The following CROT variants were observed in gnomAD, a reference collection of about 807,000 sequenced individuals.
The protein encoded by CROT is peroxisomal carnitine O-octanoyltransferase.
In CROT, 84 loss-of-function variants were observed where a neutral mutation model predicts 89.2. The observed-to-expected ratio is 0.94, with a 90% CI of 0.79 to 1.13. The LOEUF is 1.13. Among genes scored for constraint, CROT ranks in the 50% most tolerant of loss-of-function variants. CROT has a pLI of 0.00. For missense variants in CROT, 711 were observed against 727.8 expected (o/e 0.98, Z 0.27); for synonymous variants, 212 against 239.5 (o/e 0.89, Z 1.06).
At chr7:87,363,321 T>C (rs1163584381) in intron 6 of CROT, among the ~76,000 whole-genome samples, 1 of 152,182 alleles carries the variant, frequency 6.6e-6, no homozygotes, top group African/African-American at 2.4e-5. Context: ...TCAGAATTCA[T>C]GGCAAATAAT....
chr7:87,386,838 A>G (rs1428428163), intron 13 of CROT, among the ~76,000 whole-genome samples: 2 of 152,118 alleles, frequency 1.3e-5, no homozygotes, highest in Non-Finnish European at 2.9e-5. Context: ...TGCTAACCCC[A>G]TCTCTACCCA....
chr7:87,354,322 G>T, intron 3 of CROT: 1 of 512,054 alleles, frequency 2.0e-6, no homozygotes, highest in South Asian at 1.4e-5. Flanking sequence ...AAATTCTGCA[G>T]TGTGACTACT....
chr7:87,370,571 A>T (rs1806599376), intron 7 of CROT, among the ~76,000 whole-genome samples: 1 of 152,200 alleles, frequency 6.6e-6, no homozygotes. Flanking sequence ...TTTATAACTT[A>T]AATTAGTTTT....
intron 17 of CROT, among the ~76,000 whole-genome samples, chr7:87,393,489 A>G (rs1433960052): frequency 6.6e-6 from 1 of 152,214 alleles, no homozygotes; most frequent in Non-Finnish European, 1.5e-5. Flanking sequence ...CAGTTTTACC[A>G]ATTCAGATGC....
intron 6 of CROT, among the ~76,000 whole-genome samples, chr7:87,364,670 A>G (rs1277692848): frequency 1.3e-5 from 2 of 152,156 alleles, no homozygotes; most frequent in Non-Finnish European, 2.9e-5. Context: ...ACAGGAGAGG[A>G]GGAAAAATAA....
intron 13 of CROT, among the ~76,000 whole-genome samples, chr7:87,384,594 T>C (rs938686709): frequency 1.3e-5 from 2 of 152,132 alleles, no homozygotes; most frequent in Non-Finnish European, 2.9e-5. Context: ...TGCTATTGAG[T>C]TTTTTAAGTT....
At chr7:87,359,100 C>T in intron 3 of CROT, 106 bp from the exon 4 acceptor site, 1 of 783,826 alleles carries the variant, frequency 1.3e-6, no homozygotes, top group Non-Finnish European at 2.2e-6. Flanking sequence ...TAATACAGTA[C>T]TGTGTTTTAC....
chr7:87,398,328 CTAAT>C (rs1164751794), intron 17 of CROT, 192 bp from the exon 18 acceptor site: 3 of 707,070 alleles, frequency 4.2e-6, no homozygotes, highest in East Asian at 2.8e-5. Context: ...TGCTAGTCAT[CTAAT>C]GAATGAGGTG....
intron 3 of CROT, among the ~76,000 whole-genome samples, chr7:87,351,191 C>T (rs868689074): frequency 6.6e-6 from 1 of 151,428 alleles, no homozygotes; most frequent in African/African-American, 2.4e-5. Flanking sequence ...CCCTTGTAGT[C>T]CCAGCTACTC....
At chr7:87,382,622 T>C in intron 13 of CROT, 79 bp downstream of exon 13, 1 of 1,431,862 alleles carries the variant, frequency 7.0e-7, no homozygotes, top group Non-Finnish European at 9.4e-7. Context: ...TCATCCTAAC[T>C]CCTCAGTATT....
intron 13 of CROT, 121 bp downstream of exon 13, chr7:87,382,664 T>C (rs1304836362): frequency 1.1e-6 from 1 of 950,570 alleles, no homozygotes; most frequent in Admixed American, 2.6e-5. Context: ...TGGTACTGTG[T>C]CCTATTTGTA....
intron 2 of CROT, 41 bp from the exon 3 acceptor site, chr7:87,349,007 T>C (rs1805784580): frequency 8.4e-6 from 7 of 836,016 alleles, no homozygotes; most frequent in Non-Finnish European, 1.4e-5. Context: ...TAACACTATC[T>C]ATGAGATTGA....
intron 8 of CROT, 37 bp from the exon 9 acceptor site, chr7:87,375,791 A>G: frequency 6.2e-7 from 1 of 1,612,716 alleles, no homozygotes; most frequent in Non-Finnish European, 8.5e-7. Flanking sequence ...ATTGTATTTC[A>G]GTTGTAATAT....
At chr7:87,382,580 A>G (rs996006942) in intron 13 of CROT, 37 bp downstream of exon 13, 1 of 1,575,346 alleles carries the variant, frequency 6.3e-7, no homozygotes. Flanking sequence ...ACAGTCTTGA[A>G]GTCCAAGGGT....
intron 3 of CROT, among the ~76,000 whole-genome samples, chr7:87,354,173 G>A (rs1435154129): frequency 6.6e-6 from 1 of 152,136 alleles, no homozygotes. Context: ...AAATGCTTTA[G>A]AAGCAATACA....
intron 17 of CROT, among the ~76,000 whole-genome samples, chr7:87,394,595 A>G (rs1253018804): frequency 1.3e-5 from 2 of 151,762 alleles, no homozygotes; most frequent in Non-Finnish European, 2.9e-5. Flanking sequence ...TGCTGCAGCT[A>G]CACTGGCAGG....
chr7:87,376,084 CT>C lies in CROT; in HGVS notation c.876+133del. 6.5e-6 allele frequency: 5 copies of C among 774,224 alleles called. No homozygotes were observed. In the South Asian group the frequency reaches 1.2e-4, roughly 19 times the overall value. 48.0% of individuals were successfully genotyped at this position (774,224 alleles called of 1,614,324 possible). On this transcript the variant is annotated intron_variant, in intron 9 of 17. Coordinates refer to ENST00000331536, the MANE Select transcript of CROT (RefSeq NM_021151.4). The stretch of plus-strand genomic sequence containing the variant: ...AACTTTTTCTTAGTTATACAATATA[CT>C]TGTGCCAAATTGAAGCTTATAAAGT...
At chr7:87,383,129 C>A (rs1403801734) in intron 13 of CROT, among the ~76,000 whole-genome samples, 1 of 152,126 alleles carries the variant, frequency 6.6e-6, no homozygotes, top group Admixed American at 6.6e-5. Context: ...TCCAAGTCTT[C>A]TCTTCTTGGT....
chr7:87,356,736 G>A (rs1806084985), intron 3 of CROT, among the ~76,000 whole-genome samples: 1 of 152,146 alleles, frequency 6.6e-6, no homozygotes, highest in Non-Finnish European at 1.5e-5. Context: ...GATATAGCAA[G>A]AACAGGCTGG....
Sources: allele counts gnomAD v4.1 joint callset (sites outside exome capture counted in the v4.1 genomes callset), GRCh38; gene constraint gnomAD v4.1.1; transcripts MANE v1.5; gene names NCBI Gene and HGNC (gene_info 2026-07-23, HGNC 2026-07-21).